EHD4: variants seen among roughly 807,000 people sequenced by gnomAD.
EHD4 encodes EH domain containing 4.
EHD4 carries 37 observed loss-of-function variants against 51.0 expected under a neutral mutation model. That is an observed-to-expected ratio of 0.73 (90% CI 0.56 to 0.95). The LOEUF is 0.95. Among genes scored for constraint, EHD4 ranks in the 40% least tolerant of loss-of-function variants. The pLI, the probability that EHD4 is intolerant of heterozygous loss-of-function variation, is 0.00. For synonymous variants in EHD4, 297 were observed against 317.3 expected, an observed-to-expected ratio of 0.94 and a Z score of 0.68; for missense variants, 632 against 733.1, an observed-to-expected ratio of 0.86 and a Z score of 1.59.
At chr15:41,924,036 C>T (rs968588396) in intron 3 of EHD4, among the ~76,000 whole-genome samples, 3 of 152,168 alleles carry the variant, frequency 2.0e-5, no homozygotes, top group African/African-American at 7.2e-5. Flanking sequence ...CCTGTAAGAT[C>T]GGGTTGTTGA....
chr15:41,958,007 C>T (rs926374200), intron 1 of EHD4, among the ~76,000 whole-genome samples: 4 of 151,978 alleles, frequency 2.6e-5, no homozygotes, highest in Non-Finnish European at 5.9e-5. Context: ...GGATAGACAG[C>T]CTGATCAACT....
chr15:41,928,083 A>G (rs2067674695), intron 3 of EHD4, among the ~76,000 whole-genome samples: 1 of 152,218 alleles, frequency 6.6e-6, no homozygotes, highest in African/African-American at 2.4e-5. Context: ...TTAGTTAATA[A>G]TAACAGCCAC....
At chr15:41,909,301 A>G (rs911661395) in intron 5 of EHD4, among the ~76,000 whole-genome samples, 8 of 152,210 alleles carry the variant, frequency 5.3e-5, no homozygotes, top group Non-Finnish European at 1.2e-4. Flanking sequence ...GCCTGAGCAC[A>G]TAATCCCACG....
At chr15:41,955,467 C>G (rs910452323) in intron 1 of EHD4, among the ~76,000 whole-genome samples, 1 of 152,036 alleles carries the variant, frequency 6.6e-6, no homozygotes, top group Admixed American at 6.5e-5. Flanking sequence ...ACGAGGACCC[C>G]CATTTCCTCT....
intron 3 of EHD4, among the ~76,000 whole-genome samples, chr15:41,934,887 C>A (rs553567221): frequency 6.6e-6 from 1 of 152,190 alleles, no homozygotes; most frequent in African/African-American, 2.4e-5. Flanking sequence ...CAGGAAGACC[C>A]GGACATTCCT....
chr15:41,920,303 AATTCTGTCCAGCCT>A (rs1045866189), intron 3 of EHD4, among the ~76,000 whole-genome samples: 19 of 152,340 alleles, frequency 1.2e-4, no homozygotes, highest in South Asian at 4.1e-4. Flanking sequence ...GCCCACAGCA[AATTCTGTCCAGCCT>A]ATTCTGACCA....
At chr15:41,916,827 C>T (rs930272586) in intron 4 of EHD4, among the ~76,000 whole-genome samples, 6 of 152,210 alleles carry the variant, frequency 3.9e-5, no homozygotes, top group Admixed American at 6.5e-5. Flanking sequence ...CAAACATTTT[C>T]CTTTGTGAAA....
intron 2 of EHD4, among the ~76,000 whole-genome samples, chr15:41,951,616 T>C (rs532426259): frequency 1.3e-5 from 2 of 152,310 alleles, no homozygotes; most frequent in East Asian, 3.9e-4. Flanking sequence ...AAGCCTTTGT[T>C]GGGCAAAAAG....
intron 2 of EHD4, among the ~76,000 whole-genome samples, chr15:41,950,168 T>G (rs1339180350): frequency 1.3e-5 from 2 of 152,172 alleles, no homozygotes; most frequent in Non-Finnish European, 2.9e-5. Context: ...TATCTTCATT[T>G]CTCAGAAATG....
intron 5 of EHD4, among the ~76,000 whole-genome samples, chr15:41,907,860 G>A (rs2067522903): frequency 9.3e-6 from 1 of 107,110 alleles, no homozygotes; most frequent in African/African-American, 4.2e-5. Context: ...GTGTGTGTGT[G>A]TGTGTGTGTG....
chr15:41,926,668 T>C (rs1015215747), intron 3 of EHD4, among the ~76,000 whole-genome samples: 11 of 152,214 alleles, frequency 7.2e-5, no homozygotes, highest in African/African-American at 2.7e-4. Context: ...TGATTATGTC[T>C]AGAATAAATG....
chr15:41,919,739 C>G, intron 3 of EHD4, 117 bp from the exon 4 acceptor site: 1 of 1,030,582 alleles, frequency 9.7e-7, no homozygotes, highest in Non-Finnish European at 1.3e-6. Flanking sequence ...CTGTCTCCAA[C>G]CTGGAGGCAG....
chr15:41,951,463 G>GA (rs926606943), intron 2 of EHD4, among the ~76,000 whole-genome samples: 10 of 151,184 alleles, frequency 6.6e-5, no homozygotes, highest in African/African-American at 2.2e-4. Flanking sequence ...GATTTGAGAA[G>GA]AAAAAAACAT....
intron 1 of EHD4, among the ~76,000 whole-genome samples, chr15:41,955,893 C>G (rs2067884346): frequency 6.6e-6 from 1 of 152,158 alleles, no homozygotes; most frequent in African/African-American, 2.4e-5. Flanking sequence ...GGCTGGAATT[C>G]AAAGCCAGAT....
chr15:41,940,685 A>G (rs1361076996), intron 3 of EHD4, among the ~76,000 whole-genome samples: 3 of 152,240 alleles, frequency 2.0e-5, no homozygotes, highest in Non-Finnish European at 4.4e-5. Context: ...GAGTAAGTAC[A>G]TGCCATAGTA....
intron 3 of EHD4, among the ~76,000 whole-genome samples, chr15:41,939,645 C>G (rs1335430487): frequency 6.6e-6 from 1 of 151,870 alleles, no homozygotes; most frequent in Non-Finnish European, 1.5e-5. Flanking sequence ...TCTAAAAATA[C>G]AAAAATTAGC....
chr15:41,915,380 T>C (rs8034110), intron 4 of EHD4, among the ~76,000 whole-genome samples: 10,272 of 152,250 alleles, frequency 0.067, 405 homozygotes, highest in South Asian at 0.094. Flanking sequence ...GCCCAGCCTA[T>C]AGACAAGAAA....
intron 1 of EHD4, among the ~76,000 whole-genome samples, chr15:41,964,345 C>T (rs562914500): frequency 3.3e-5 from 5 of 152,236 alleles, no homozygotes; most frequent in African/African-American, 7.2e-5. Flanking sequence ...CCTATAATCC[C>T]AGCACTTTGG....
chr15:41,960,434 T>C (rs2067917199), intron 1 of EHD4, among the ~76,000 whole-genome samples: 1 of 152,212 alleles, frequency 6.6e-6, no homozygotes. Flanking sequence ...TCACCATTAG[T>C]CTTTCCTCAT....
Sources: allele counts gnomAD v4.1 joint callset (sites outside exome capture counted in the v4.1 genomes callset), GRCh38; gene constraint gnomAD v4.1.1; transcripts MANE v1.5; gene names NCBI Gene and HGNC (gene_info 2026-07-23, HGNC 2026-07-21).